The following CTNND2 variants were observed in gnomAD, a reference collection of about 807,000 sequenced individuals.
CTNND2 encodes catenin delta 2.
In CTNND2, 22 loss-of-function variants were observed where a neutral mutation model predicts 144.4. That is an observed-to-expected ratio of 0.15 (90% CI 0.11 to 0.22). CTNND2 has a LOEUF of 0.22. CTNND2 is among the 10% of genes least tolerant of loss of function. The pLI is 1.00. For synonymous variants in CTNND2, 751 were observed against 695.6 expected (o/e 1.08, Z -1.25); for missense variants, 1,353 against 1,618.8 (o/e 0.84, Z 2.82).
At chr5:11,437,651 A>C (rs1435465855) in intron 3 of CTNND2, among the ~76,000 whole-genome samples, 1 of 152,142 alleles carries the variant, frequency 6.6e-6, no homozygotes, top group Non-Finnish European at 1.5e-5. Context: ...GTGTGAACCC[A>C]AAGAGTAAGT....
intron 1 of CTNND2, among the ~76,000 whole-genome samples, chr5:11,733,180 T>C (rs904042092): frequency 9.9e-5 from 15 of 152,200 alleles, no homozygotes; most frequent in African/African-American, 3.4e-4. Flanking sequence ...ACCCAGGGAC[T>C]GTGGGAACCC....
chr5:11,464,493 C>T (rs1486171207), intron 3 of CTNND2, among the ~76,000 whole-genome samples: 1 of 152,142 alleles, frequency 6.6e-6, no homozygotes, highest in Non-Finnish European at 1.5e-5. Flanking sequence ...GTGGGGGCAA[C>T]AGGGCTCCAG....
chr5:11,484,484 C>T (rs1422922211), intron 3 of CTNND2, among the ~76,000 whole-genome samples: 1 of 152,136 alleles, frequency 6.6e-6, no homozygotes, highest in Non-Finnish European at 1.5e-5. Flanking sequence ...TTAGAGACAG[C>T]ACATTTCTGT....
chr5:11,693,449 GT>G (rs1167272919), intron 2 of CTNND2, among the ~76,000 whole-genome samples: 2 of 152,330 alleles, frequency 1.3e-5, no homozygotes, highest in African/African-American at 4.8e-5. Context: ...TTGAATCACA[GT>G]TTTTTGTTTT....
At chr5:11,455,465 GCACAAACAGAGCTGGTGC>G (rs746387841) in intron 3 of CTNND2, among the ~76,000 whole-genome samples, 14 of 152,054 alleles carry the variant, frequency 9.2e-5, no homozygotes, top group Non-Finnish European at 1.9e-4. Flanking sequence ...TCTGTGTGAA[GCACAAACAGAGCTGGTGC>G]ATCCCTACAC....
intron 1 of CTNND2, among the ~76,000 whole-genome samples, chr5:11,840,621 C>T (rs1225642060): frequency 6.6e-6 from 1 of 152,142 alleles, no homozygotes; most frequent in Non-Finnish European, 1.5e-5. Flanking sequence ...CAAAATAACT[C>T]GTATCACTTC....
chr5:11,160,690 A>G (rs1758685437), intron 11 of CTNND2, among the ~76,000 whole-genome samples: 1 of 152,236 alleles, frequency 6.6e-6, no homozygotes, highest in South Asian at 2.1e-4. Flanking sequence ...CCATCACTGC[A>G]GATATTGGAA....
intron 1 of CTNND2, among the ~76,000 whole-genome samples, chr5:11,751,406 G>C (rs182188955): frequency 8.2e-4 from 124 of 151,778 alleles, no homozygotes; most frequent in Non-Finnish European, 1.2e-3. Flanking sequence ...CCTCAAATAG[G>C]TCCCAGTGTC....
chr5:11,609,028 A>T (rs1780194637), intron 2 of CTNND2, among the ~76,000 whole-genome samples: 1 of 152,188 alleles, frequency 6.6e-6, no homozygotes. Context: ...CGTTTTCGTC[A>T]CATGGCTTCC....
intron 2 of CTNND2, among the ~76,000 whole-genome samples, chr5:11,600,308 C>A (rs923856750): frequency 2.6e-5 from 4 of 151,934 alleles, no homozygotes; most frequent in Non-Finnish European, 4.4e-5. Flanking sequence ...AACAAAACAA[C>A]AAAAAAAATT....
intron 9 of CTNND2, among the ~76,000 whole-genome samples, chr5:11,323,233 G>GT (rs71595816): frequency 8.5e-6 from 1 of 118,046 alleles, no homozygotes; most frequent in African/African-American, 4.2e-5. Context: ...TTAGAGATTG[G>GT]GGGGGGGGGT....
At chr5:11,093,840 C>T (rs1057466706) in intron 15 of CTNND2, among the ~76,000 whole-genome samples, 4 of 152,182 alleles carry the variant, frequency 2.6e-5, no homozygotes, top group African/African-American at 4.8e-5. Context: ...CTGAAATCAT[C>T]TTTTTAAAAG....
intron 2 of CTNND2, among the ~76,000 whole-genome samples, chr5:11,642,297 T>C (rs1260233811): frequency 5.9e-5 from 9 of 152,138 alleles, no homozygotes; most frequent in Non-Finnish European, 1.2e-4. Context: ...AGGCAGAACA[T>C]AAATAATATT....
chr5:11,854,759 C>G (rs1795176527), intron 1 of CTNND2, among the ~76,000 whole-genome samples: 1 of 152,164 alleles, frequency 6.6e-6, no homozygotes, highest in African/African-American at 2.4e-5. Context: ...ACCTGGATCT[C>G]GTTCTAACGA....
At position 11,649,817 on chromosome 5, in the gene CTNND2, CAG is replaced by C. The variant is rs529164777; in HGVS notation, c.174+82317_174+82318del. On this transcript the variant is annotated intron_variant, in intron 2 of 21. Transcript: ENST00000304623. ...GTTTTTACTGTATTGTAGGCACTAT[CAG>C]AATGCTTTACAACAATTAATTCTTC... Among the ~76,000 whole-genome samples, 409 of 152,032 alleles carry C rather than the reference CAG, an allele frequency of 2.7e-3. 3 individuals carry two copies. The highest frequency in any genetic ancestry group is 9.5e-3 in the African/African-American group (392 of 41,454).
intron 6 of CTNND2, among the ~76,000 whole-genome samples, 162 bp from the exon 7 acceptor site, chr5:11,385,391 C>T (rs1758982891): frequency 6.6e-6 from 1 of 152,066 alleles, no homozygotes; most frequent in Admixed American, 6.5e-5. Flanking sequence ...GAACCTGCGC[C>T]CCGAACTCTC....
At chr5:11,556,911 G>A (rs1776278579) in intron 3 of CTNND2, among the ~76,000 whole-genome samples, 1 of 152,114 alleles carries the variant, frequency 6.6e-6, no homozygotes, top group Non-Finnish European at 1.5e-5. Flanking sequence ...TGGGGTTAAA[G>A]ATGATTGCTT....
chr5:11,527,669 T>C (rs1252935635), intron 3 of CTNND2, among the ~76,000 whole-genome samples: 1 of 152,226 alleles, frequency 6.6e-6, no homozygotes, highest in Non-Finnish European at 1.5e-5. Flanking sequence ...ACCAAGAGCT[T>C]GGTCATAGCA....
At chr5:11,653,755 G>C (rs182836462) in intron 2 of CTNND2, among the ~76,000 whole-genome samples, 1 of 143,578 alleles carries the variant, frequency 7.0e-6, no homozygotes, top group Non-Finnish European at 1.5e-5. Flanking sequence ...GGCTTGTTTG[G>C]TTTTTTTTTT....
Sources: gnomAD v4.1 joint callset for allele counts (sites outside exome capture counted in the v4.1 genomes callset) on GRCh38, gnomAD v4.1.1 for gene constraint, MANE v1.5 for transcripts, NCBI Gene and HGNC (gene_info 2026-07-23, HGNC 2026-07-21) for gene names.